The following KCNN1 variants were observed in gnomAD, a reference collection of about 807,000 sequenced individuals.
The protein encoded by KCNN1 is potassium calcium-activated channel subfamily N member 1, also known as small conductance calcium-activated potassium channel protein 1.
A neutral mutation model predicts 44.7 loss-of-function variants in KCNN1; 20 were observed. The ratio of observed to expected loss-of-function variants is 0.45; its 90% CI spans 0.32 to 0.65. KCNN1 has a LOEUF of 0.65. Among genes scored for constraint, KCNN1 ranks in the 30% least tolerant of loss-of-function variants. KCNN1 has a pLI of 0.05. For missense variants in KCNN1, 632 were observed against 785.3 expected (o/e 0.80, Z 2.33); for synonymous variants, 324 against 341.7 (o/e 0.95, Z 0.57).
chr19:17,960,486 C>T (rs2031651136), intron 2 of KCNN1, among the ~76,000 whole-genome samples: 1 of 151,960 alleles, frequency 6.6e-6, no homozygotes, highest in South Asian at 2.1e-4. Context: ...AAAAATTAGC[C>T]AGGCGTGGTG....
At position 17,983,703 on chromosome 19, in the gene KCNN1, C is replaced by T. The variant is rs1370866561; in HGVS notation, c.917+1576C>T. Among the ~76,000 whole-genome samples the T allele has an allele frequency of 1.3e-5, 2 of 152,046 alleles. No homozygotes were observed. Among genetic ancestry groups the T allele is most frequent in the Admixed American group, 6.6e-5 (1 of 15,264 alleles). On this transcript the variant is annotated intron_variant, in intron 4 of 9. Transcript: ENST00000684775. This position sits in a 1 kb window ranked among gnomAD's most constrained non-coding sequence, Gnocchi z 4.5. ...CTCGCTCTGACCCACCCCCGCCTCC[C>T]GCATGTCCCCCAGCCGTGCTCCTGG... is the stretch of plus-strand genomic sequence containing the variant.
upstream of KCNN1, among the ~76,000 whole-genome samples, chr19:17,964,959 C>T (rs1187524036): frequency 1.3e-5 from 2 of 152,090 alleles, no homozygotes; most frequent in Non-Finnish European, 2.9e-5. The surrounding 1 kb of genome is among the most constrained non-coding windows in gnomAD (Gnocchi z 4.3). Flanking sequence ...AATTTCGGGA[C>T]AGTTACATGT....
chr19:17,965,452 C>T (rs998656887), upstream of KCNN1, among the ~76,000 whole-genome samples: 2 of 151,892 alleles, frequency 1.3e-5, no homozygotes, highest in African/African-American at 4.8e-5. Context: ...CCTGAGGGAG[C>T]TGTGGGTGGC....
intron 1 of KCNN1, among the ~76,000 whole-genome samples, chr19:17,968,629 G>C (rs2031904507): frequency 6.6e-6 from 1 of 152,072 alleles, no homozygotes; most frequent in African/African-American, 2.4e-5. Flanking sequence ...GGAATCTAAG[G>C]AGCCATCAGC....
In KCNN1 at chr19:17,999,711, C is replaced by G. The variant is rs1322323562; in HGVS notation, c.*1305C>G. The G allele has an allele frequency of 3.4e-6, 1 of 292,948 alleles. No homozygotes were observed. Among genetic ancestry groups the G allele is most frequent in the South Asian group, 3.0e-5 (1 of 33,680 alleles). The allele number at this position is 292,948 out of a possible 1,614,324, so 18.1% of individuals were successfully genotyped here. On this transcript the variant is annotated 3_prime_UTR_variant, in exon 10 of 10. Coordinates refer to ENST00000684775, the MANE Select transcript of KCNN1 (RefSeq NM_001386974.1). ...AGGCATTTACTTGGCAGATGCTGAG[C>G]CCTGGGTGGGGCGAGGAGGCCTGGC...
rs981792337 is a variant in KCNN1 at position 17,983,681 on chromosome 19, G to A, written c.917+1554G>A. ...TGCTTGAAGCCCCCTTGCCTGCCTCGCTCTGACCCACCCCCGCCTCCCGCA... is the reference window on the plus strand; with the variant it reads ...TGCTTGAAGCCCCCTTGCCTGCCTCACTCTGACCCACCCCCGCCTCCCGCA... On this transcript the variant is annotated intron_variant, in intron 4 of 9. Coordinates refer to ENST00000684775, the MANE Select transcript of KCNN1 (RefSeq NM_001386974.1). This position sits in a 1 kb window ranked among gnomAD's most constrained non-coding sequence, Gnocchi z 4.5. Among the ~76,000 whole-genome samples, 3 of 151,940 alleles carry A rather than the reference G, an allele frequency of 2.0e-5. No homozygotes were observed. The highest frequency in any genetic ancestry group is 2.9e-5 in the Non-Finnish European group (2 of 67,950).
intron 5 of KCNN1, among the ~76,000 whole-genome samples, chr19:17,987,141 G>A (rs1387288447): frequency 1.4e-5 from 2 of 144,170 alleles, no homozygotes; most frequent in East Asian, 2.1e-4. Context: ...ATAGAGTCTC[G>A]CTCTGTCGCC....
rs945385171 is a variant in KCNN1 at position 17,982,201 on chromosome 19, T to G, written c.917+74T>G. 165 of 1,260,602 alleles carry G rather than the reference T, an allele frequency of 1.3e-4. 1 individual carries two copies. Among genetic ancestry groups the G allele is most frequent in the Middle Eastern group, 2.7e-4 (1 of 3,670 alleles). 78.1% of individuals were successfully genotyped at this position (1,260,602 alleles called of 1,614,324 possible). On this transcript the variant is annotated intron_variant, in intron 4 of 9. Transcript: ENST00000684775. ...CTGGACCTCCATGCCCATTCATGAT[T>G]TCACCGACCCTGGGCCCCTCCCGAC...
intron 2 of KCNN1, among the ~76,000 whole-genome samples, chr19:17,960,577 C>T (rs961728004): frequency 2.0e-5 from 3 of 151,912 alleles, no homozygotes; most frequent in Non-Finnish European, 4.4e-5. Flanking sequence ...TTGCAGAGAG[C>T]CAGGATCTCA....
intron 4 of KCNN1, chr19:17,982,556 A>G: frequency 1.0e-6 from 1 of 985,264 alleles, no homozygotes; most frequent in Non-Finnish European, 1.2e-6. Context: ...TGCCCGCTCC[A>G]CTGGACTTTA....
At chr19:17,992,617 TG>T (rs942362889) in intron 7 of KCNN1, among the ~76,000 whole-genome samples, 2 of 151,734 alleles carry the variant, frequency 1.3e-5, no homozygotes, top group African/African-American at 2.4e-5. Flanking sequence ...AACAAAGGGA[TG>T]GTCAAAAGGG....
chr19:17,967,396 G>A, intron 1 of KCNN1, 79 bp downstream of exon 1: 1 of 799,866 alleles, frequency 1.3e-6, no homozygotes, highest in Non-Finnish European at 1.5e-6. Context: ...GGCACGTCTC[G>A]GAGGGGGACG....
At chr19:17,990,440 C>G (rs142827194) in intron 7 of KCNN1, among the ~76,000 whole-genome samples, 3 of 147,302 alleles carry the variant, frequency 2.0e-5, no homozygotes, top group Non-Finnish European at 4.4e-5. Flanking sequence ...GCCATGATTG[C>G]GCCACTGCAC....
chr19:17,990,036 G>A (rs2032734112), intron 7 of KCNN1, 193 bp downstream of exon 7: 1 of 738,982 alleles, frequency 1.4e-6, no homozygotes, highest in African/African-American at 1.7e-5. Flanking sequence ...CTAAATCATG[G>A]ACACGACTCA....
intron 2 of KCNN1, among the ~76,000 whole-genome samples, chr19:17,958,574 C>T (rs2145901315): frequency 6.6e-6 from 1 of 151,410 alleles, no homozygotes; most frequent in Non-Finnish European, 1.5e-5. Context: ...CAACCTCCAC[C>T]TCCCAGGCTC....
At chr19:17,965,354 G>A (rs1272864119), upstream of KCNN1, among the ~76,000 whole-genome samples, 1 of 152,168 alleles carries the variant, frequency 6.6e-6, no homozygotes, top group Non-Finnish European at 1.5e-5. Context: ...GGCATGGTAT[G>A]CTTCTCGTGG....
At chr19:17,986,889 C>T (rs2032617061) in intron 5 of KCNN1, among the ~76,000 whole-genome samples, 1 of 152,190 alleles carries the variant, frequency 6.6e-6, no homozygotes, top group Non-Finnish European at 1.5e-5. Context: ...TCACTGCAAC[C>T]TCCGCCTCCC....
chr19:17,988,774 G>A (rs777414991), intron 6 of KCNN1, among the ~76,000 whole-genome samples: 1 of 152,052 alleles, frequency 6.6e-6, no homozygotes, highest in Non-Finnish European at 1.5e-5. Flanking sequence ...AGCCTGGCAT[G>A]GTGACGGACG....
rs2032863727 is a variant in KCNN1, at chr19:17,993,320, C to A, written c.1308-170C>A. 6.6e-6 allele frequency among the ~76,000 whole-genome samples: 1 copy of A among 152,148 alleles called. No homozygotes were observed. Among genetic ancestry groups the A allele is most frequent in the Non-Finnish European group, 1.5e-5 (1 of 68,014 alleles). ...CTGACTTCTGGCCCTGGCGCACCGG[C>A]TGTGTACTGGGAGGGAATAGACTAC... On this transcript the variant is annotated intron_variant, in intron 8 of 9. Transcript: ENST00000684775. This position sits in a 1 kb window ranked among gnomAD's most constrained non-coding sequence, Gnocchi z 4.5.
Sources: allele counts gnomAD v4.1 joint callset (sites outside exome capture counted in the v4.1 genomes callset), GRCh38; gene constraint gnomAD v4.1.1; non-coding constraint Gnocchi (gnomAD v3.1); transcripts MANE v1.5; gene names NCBI Gene and HGNC (gene_info 2026-07-23, HGNC 2026-07-21).